Variants in GAREM1 observed in about 807,000 individuals in gnomAD.
GAREM1 encodes the protein GRB2-associated and regulator of MAPK protein 1.
Under a neutral mutation model 71.3 loss-of-function variants are expected in GAREM1, and 26 were observed. The observed-to-expected ratio is 0.36, with a 90% CI of 0.27 to 0.51. The LOEUF (loss-of-function observed/expected upper bound fraction) is 0.51. Ranked by LOEUF, GAREM1 falls within the 20% of genes least tolerant of loss-of-function variation. The pLI, the probability that GAREM1 is intolerant of heterozygous loss-of-function variation, is 0.95. For synonymous variants in GAREM1, 440 were observed against 433.2 expected (o/e 1.02, Z -0.20); for missense variants, 1,026 against 1,103.1 (o/e 0.93, Z 0.99).
At position 32,265,172 on chromosome 18, in the gene GAREM1, C is replaced by T. The variant is rs917736535; in HGVS notation, c.*2699G>A. ...CCAAGGTCCTTCACAGACAGGTGCTCAGCTTAGGAATGGCAATTTCATTTA... is the reference window on the plus strand; with the variant it reads ...CCAAGGTCCTTCACAGACAGGTGCTTAGCTTAGGAATGGCAATTTCATTTA... On this transcript the variant is annotated 3_prime_UTR_variant, in exon 6 of 6. Transcript: ENST00000269209. 14 of 152,124 alleles carry T rather than the reference C, an allele frequency of 9.2e-5. No individual in the cohort carries two copies. Among genetic ancestry groups the T allele is most frequent in the Non-Finnish European group, 2.1e-4 (14 of 68,072 alleles). 9.4% of individuals were successfully genotyped at this position (152,124 alleles called of 1,614,324 possible).
At chr18:32,382,042 G>C (rs2048102815) in intron 2 of GAREM1, among the ~76,000 whole-genome samples, 1 of 152,252 alleles carries the variant, frequency 6.6e-6, no homozygotes, top group South Asian at 2.1e-4. Flanking sequence ...TGACTGGAGG[G>C]AATTAAGAGA....
chr18:32,463,652 C>T (rs1484270179), intron 1 of GAREM1, among the ~76,000 whole-genome samples: 3 of 148,596 alleles, frequency 2.0e-5, no homozygotes, highest in Non-Finnish European at 4.4e-5. Flanking sequence ...TCACTGCAAA[C>T]TCCACCTCCC....
intron 3 of GAREM1, among the ~76,000 whole-genome samples, chr18:32,290,818 C>G (rs1341002499): frequency 6.6e-6 from 1 of 152,040 alleles, no homozygotes; most frequent in Non-Finnish European, 1.5e-5. Context: ...ATTAAAAATT[C>G]AGAAGCTTGA....
chr18:32,285,484 C>T (rs2047004438), intron 4 of GAREM1, among the ~76,000 whole-genome samples: 1 of 152,250 alleles, frequency 6.6e-6, no homozygotes, highest in Non-Finnish European at 1.5e-5. Flanking sequence ...TTCCCTCTTA[C>T]ATGCTTAAAG....
intron 2 of GAREM1, among the ~76,000 whole-genome samples, chr18:32,374,639 T>C (rs1447045264): frequency 1.3e-5 from 2 of 152,250 alleles, no homozygotes; most frequent in African/African-American, 2.4e-5. Context: ...AAAATGAAAA[T>C]GCCTGAGTGA....
intron 1 of GAREM1, among the ~76,000 whole-genome samples, chr18:32,394,044 T>G (rs1380071437): frequency 6.6e-6 from 1 of 152,234 alleles, no homozygotes; most frequent in Non-Finnish European, 1.5e-5. Context: ...TAGAAGAGAC[T>G]GTAATGATCA....
intron 3 of GAREM1, among the ~76,000 whole-genome samples, chr18:32,303,913 T>C (rs1375512333): frequency 6.8e-6 from 1 of 146,598 alleles, no homozygotes; most frequent in Non-Finnish European, 1.5e-5. Flanking sequence ...AAAGCATGTT[T>C]CTTAAAAAAA....
intron 3 of GAREM1, among the ~76,000 whole-genome samples, chr18:32,295,193 T>C (rs542137454): frequency 6.6e-6 from 1 of 152,108 alleles, no homozygotes; most frequent in Admixed American, 6.5e-5. Flanking sequence ...GCCCCCTGAG[T>C]AGCTGTGATT....
At chr18:32,344,006 G>A (rs554311262) in intron 2 of GAREM1, among the ~76,000 whole-genome samples, 1 of 152,202 alleles carries the variant, frequency 6.6e-6, no homozygotes, top group South Asian at 2.1e-4. Context: ...TCCTCGCTTT[G>A]TTTTTGCCAA....
intron 1 of GAREM1, among the ~76,000 whole-genome samples, chr18:32,404,795 T>C (rs913963398): frequency 6.6e-6 from 1 of 152,240 alleles, no homozygotes; most frequent in East Asian, 1.9e-4. Context: ...TTGTCTATAG[T>C]GGACATTTAA....
chr18:32,441,559 A>G (rs1315007768), intron 1 of GAREM1, among the ~76,000 whole-genome samples: 1 of 152,180 alleles, frequency 6.6e-6, no homozygotes, highest in Non-Finnish European at 1.5e-5. Flanking sequence ...TCCTTCCAAG[A>G]TCGTGTTCTC....
intron 1 of GAREM1, among the ~76,000 whole-genome samples, chr18:32,439,419 A>G (rs2048712733): frequency 6.6e-6 from 1 of 152,174 alleles, no homozygotes; most frequent in African/African-American, 2.4e-5. Context: ...AAGCAGGCAC[A>G]CTTTGTATAA....
intron 4 of GAREM1, among the ~76,000 whole-genome samples, chr18:32,282,202 C>G (rs1033804835): frequency 2.0e-5 from 3 of 152,102 alleles, no homozygotes; most frequent in African/African-American, 7.2e-5. Context: ...TCTCTTCACA[C>G]GGACGTGCAT....
At chr18:32,315,258 A>T (rs1436324306) in intron 2 of GAREM1, among the ~76,000 whole-genome samples, 1 of 152,112 alleles carries the variant, frequency 6.6e-6, no homozygotes, top group East Asian at 1.9e-4. Flanking sequence ...ATATAGATAC[A>T]CTATAGTGCT....
In GAREM1 at chr18:32,450,783, G is replaced by A. The variant is rs74499723; in HGVS notation, c.121+19525C>T. Among the ~76,000 whole-genome samples, 460 of 152,220 alleles carry A rather than the reference G, an allele frequency of 3.0e-3. 3 individuals carry two copies. Among genetic ancestry groups the A allele is most frequent in the African/African-American group, 0.01 (436 of 41,534 alleles). ...AAAGTTGGGTGTCGCCATGGGTCTT[G>A]CCAGTAACAATGACATGTAAGAGGG... On this transcript the variant is annotated intron_variant, in intron 1 of 5. Transcript: ENST00000269209.
At chr18:32,438,442 C>T (rs1002560242) in intron 1 of GAREM1, among the ~76,000 whole-genome samples, 2 of 152,204 alleles carry the variant, frequency 1.3e-5, no homozygotes, top group Non-Finnish European at 2.9e-5. Context: ...GCCCTAGAGG[C>T]AGCTGAACCC....
chr18:32,339,880 G>C (rs1255695935), intron 2 of GAREM1, among the ~76,000 whole-genome samples: 2 of 152,174 alleles, frequency 1.3e-5, no homozygotes, highest in Non-Finnish European at 2.9e-5. Flanking sequence ...TCCTGAAGCT[G>C]TTCCAGCTGC....
chr18:32,426,428 C>G (rs1159310526), intron 1 of GAREM1, among the ~76,000 whole-genome samples: 2 of 152,168 alleles, frequency 1.3e-5, no homozygotes, highest in Non-Finnish European at 2.9e-5. Context: ...TATTCTTTTA[C>G]TGACATTAAA....
At chr18:32,452,692 T>C (rs1187274463) in intron 1 of GAREM1, among the ~76,000 whole-genome samples, 2 of 152,188 alleles carry the variant, frequency 1.3e-5, no homozygotes, top group African/African-American at 2.4e-5. Flanking sequence ...CCCTTGTTAC[T>C]GTGCTTGTAC....
Sources: gnomAD v4.1 joint callset for allele counts (sites outside exome capture counted in the v4.1 genomes callset) on GRCh38, gnomAD v4.1.1 for gene constraint, MANE v1.5 for transcripts, NCBI Gene and HGNC (gene_info 2026-07-23, HGNC 2026-07-21) for gene names.